GRM5: variants seen among roughly 807,000 people sequenced by gnomAD.
GRM5 encodes the protein metabotropic glutamate receptor 5.
GRM5 carries 19 observed loss-of-function variants against 83.1 expected under a neutral mutation model. That is an observed-to-expected ratio of 0.23 (90% CI 0.16 to 0.34). The LOEUF is 0.34. Among genes scored for constraint, GRM5 ranks in the 10% least tolerant of loss-of-function variants. The pLI, the probability that GRM5 is intolerant of heterozygous loss-of-function variation, is 1.00. For synonymous variants in GRM5, 675 were observed against 633.6 expected (o/e 1.07, Z -0.98); for missense variants, 1,160 against 1,588.3 (o/e 0.73, Z 4.58).
chr11:88,804,574 A>G (rs2135490347), intron 3 of GRM5, among the ~76,000 whole-genome samples: 1 of 152,022 alleles, frequency 6.6e-6, no homozygotes. Context: ...TTTAGTAGTT[A>G]TACCTAATGC....
chr11:88,844,276 G>A (rs1213762511), intron 3 of GRM5, among the ~76,000 whole-genome samples: 1 of 151,080 alleles, frequency 6.6e-6, no homozygotes, highest in Non-Finnish European at 1.5e-5. Flanking sequence ...TTCCAAAAAT[G>A]AAAAAAACAA....
rs537488851 is a variant in GRM5 at position 88,664,695 on chromosome 11, C to T, written c.912-11292G>A. On this transcript the variant is annotated intron_variant, in intron 3 of 9. Coordinates refer to ENST00000305447, the MANE Select transcript of GRM5 (RefSeq NM_001143831.3). Reference sequence around the variant, plus strand: ...CTCCTGACCTCAGGTGATCCACCTGCCTCGGCCTCCCAAAGTGCTGGGATT... The same window carrying T: ...CTCCTGACCTCAGGTGATCCACCTGTCTCGGCCTCCCAAAGTGCTGGGATT... Among the ~76,000 whole-genome samples, 56 of 152,166 alleles carry T rather than the reference C, an allele frequency of 3.7e-4. 1 individual carries two copies. Among genetic ancestry groups the T allele is most frequent in the African/African-American group, 1.3e-3 (54 of 41,504 alleles).
chr11:88,927,661 T>C (rs577405552), intron 2 of GRM5, among the ~76,000 whole-genome samples: 1 of 152,204 alleles, frequency 6.6e-6, no homozygotes, highest in Admixed American at 6.5e-5. Flanking sequence ...TCTCAATACT[T>C]ATGAACTCCA....
chr11:88,980,749 G>T (rs1414144067), intron 2 of GRM5, among the ~76,000 whole-genome samples: 2 of 152,034 alleles, frequency 1.3e-5, no homozygotes, highest in Non-Finnish European at 2.9e-5. Context: ...CATGAACCCG[G>T]GAGGCAGAGC....
At chr11:88,647,722 C>A (rs887504851) in intron 4 of GRM5, among the ~76,000 whole-genome samples, 2 of 152,082 alleles carry the variant, frequency 1.3e-5, no homozygotes, top group Non-Finnish European at 2.9e-5. Context: ...AGGCAACCTA[C>A]AAAATGGGAG....
At chr11:89,051,643 G>T (rs1200899511) in intron 1 of GRM5, among the ~76,000 whole-genome samples, 3 of 152,110 alleles carry the variant, frequency 2.0e-5, no homozygotes, top group Non-Finnish European at 4.4e-5. Flanking sequence ...CTGGGAGGAG[G>T]AGGATGCAGT....
intron 3 of GRM5, among the ~76,000 whole-genome samples, chr11:88,768,937 G>A (rs533696372): frequency 1.3e-5 from 2 of 152,024 alleles, no homozygotes; most frequent in Admixed American, 6.6e-5. Flanking sequence ...ATAAAATTTT[G>A]TTGTTTTATG....
rs1941684320 is a variant in GRM5 at position 89,048,227 on chromosome 11, C to T, written c.-200-155G>A. 1.3e-5 allele frequency among the ~76,000 whole-genome samples: 2 copies of T among 152,142 alleles called. 1 individual carries two copies. The highest frequency in any genetic ancestry group is 4.1e-4 in the South Asian group (2 of 4,830). On this transcript the variant is annotated intron_variant, in intron 1 of 9. Transcript: ENST00000305447. ...GTTTCTGACTTTCCTTTGTCTGCTT[C>T]CTTTGTGATTTGATGAAGCAGCTGA... is the stretch of plus-strand genomic sequence containing the variant.
chr11:88,773,882 G>T (rs1038520269), intron 3 of GRM5, among the ~76,000 whole-genome samples: 13 of 152,132 alleles, frequency 8.5e-5, no homozygotes, highest in African/African-American at 3.1e-4. Context: ...AAGTCAGGTA[G>T]CATGATGCCT....
chr11:88,669,445 C>T (rs1940136575), intron 3 of GRM5, among the ~76,000 whole-genome samples: 1 of 151,702 alleles, frequency 6.6e-6, no homozygotes, highest in Non-Finnish European at 1.5e-5. Context: ...TACTTTTTCC[C>T]AATATTTTAT....
chr11:88,681,106 TGTCA>T lies in GRM5; in HGVS notation c.912-27707_912-27704del, dbSNP rs796111404. On this transcript the variant is annotated intron_variant, in intron 3 of 9. Transcript: ENST00000305447. The stretch of plus-strand genomic sequence containing the variant: ...TGTATGGACTTGGTCTCAGAACTCT[TGTCA>T]GTATTTCAATTTTTCTCATTGAATT... 7.7e-3 allele frequency among the ~76,000 whole-genome samples: 792 copies of T among 102,620 alleles called. 2 individuals are homozygous for T. The highest frequency in any genetic ancestry group is 0.023 in the African/African-American group (738 of 31,590). 67.3% of individuals were successfully genotyped at this position (102,620 alleles called of 152,430 possible).
In GRM5 at chr11:88,675,189, C is replaced by T. The variant is rs575666790; in HGVS notation, c.912-21786G>A. 5.3e-5 allele frequency among the ~76,000 whole-genome samples: 8 copies of T among 152,016 alleles called. No individual in the cohort carries two copies. In the South Asian group the frequency reaches 1.7e-3, roughly 32 times the overall value. On this transcript the variant is annotated intron_variant, in intron 3 of 9. Transcript: ENST00000305447. ...GGAAAGAGCAGTTTTGTACTTTAAA[C>T]ACTGTGTGCTTAATTCTGCCTTAGC...
chr11:88,569,344 C>T (rs1274711084), intron 7 of GRM5, among the ~76,000 whole-genome samples: 1 of 152,154 alleles, frequency 6.6e-6, no homozygotes, highest in African/African-American at 2.4e-5. Context: ...GAGCATTGGG[C>T]ATTTGAGGAA....
intron 3 of GRM5, among the ~76,000 whole-genome samples, chr11:88,831,452 C>A (rs764276717): frequency 2.1e-4 from 32 of 152,190 alleles, no homozygotes; most frequent in Non-Finnish European, 3.8e-4. Flanking sequence ...CAGCCGCTGC[C>A]TCCCTAACCA....
chr11:88,523,196 TCAGTTCATGCACTGG>T (rs1161032083), intron 9 of GRM5, among the ~76,000 whole-genome samples: 17 of 152,188 alleles, frequency 1.1e-4, no homozygotes, highest in African/African-American at 4.1e-4. Context: ...CTCTAAAATA[TCAGTTCATGCACTGG>T]CTTCTTTGAG....
intron 1 of GRM5, among the ~76,000 whole-genome samples, chr11:89,048,313 A>C (rs1194476669): frequency 1.3e-5 from 2 of 152,184 alleles, no homozygotes; most frequent in Non-Finnish European, 2.9e-5. Context: ...CCTGCAATAC[A>C]CAAAACTAAA....
At chr11:88,545,838 C>G (rs1268561699) in intron 8 of GRM5, among the ~76,000 whole-genome samples, 1 of 152,012 alleles carries the variant, frequency 6.6e-6, no homozygotes, top group African/African-American at 2.4e-5. Context: ...GATGTAACTC[C>G]TCTTCTCAAA....
intron 3 of GRM5, among the ~76,000 whole-genome samples, chr11:88,679,663 T>C (rs1422916852): frequency 6.6e-6 from 1 of 152,182 alleles, no homozygotes; most frequent in East Asian, 1.9e-4. Flanking sequence ...TATGAGTCCC[T>C]TTAATTTAGA....
intron 2 of GRM5, among the ~76,000 whole-genome samples, chr11:89,039,825 T>C (rs1941486289): frequency 6.6e-6 from 1 of 152,164 alleles, no homozygotes; most frequent in South Asian, 2.1e-4. Flanking sequence ...GCATTTGATA[T>C]TGGTCTTGCC....
Sources: gnomAD v4.1 joint callset for allele counts (sites outside exome capture counted in the v4.1 genomes callset) on GRCh38, gnomAD v4.1.1 for gene constraint, MANE v1.5 for transcripts, NCBI Gene and HGNC (gene_info 2026-07-23, HGNC 2026-07-21) for gene names.